Variants in LRP1B observed in about 807,000 individuals in gnomAD.
The protein encoded by LRP1B is LDL receptor related protein 1B.
A neutral mutation model predicts 556.6 loss-of-function variants in LRP1B; 217 were observed. The observed-to-expected ratio is 0.39, with a 90% confidence interval of 0.35 to 0.44. LRP1B has a LOEUF of 0.44. LRP1B is among the 20% of genes least tolerant of loss of function. The pLI is 1.00. For synonymous variants in LRP1B, 2,047 were observed against 1,865.8 expected (o/e 1.10, Z -2.50); for missense variants, 5,053 against 5,620.8 (o/e 0.90, Z 3.23).
At chr2:140,284,484 T>C (rs915025563) in intron 84 of LRP1B, among the ~76,000 whole-genome samples, 2 of 151,586 alleles carry the variant, frequency 1.3e-5, no homozygotes, top group African/African-American at 4.8e-5. Flanking sequence ...GTATGTAGCC[T>C]AACTGGAGGG....
chr2:141,802,626 A>AG (rs1467236296), intron 2 of LRP1B, among the ~76,000 whole-genome samples: 1 of 152,134 alleles, frequency 6.6e-6, no homozygotes, highest in African/African-American at 2.4e-5. Flanking sequence ...AGAGGGAGAG[A>AG]GAAAAAAAGG....
chr2:140,408,513 A>G (rs919786512), intron 66 of LRP1B, among the ~76,000 whole-genome samples: 3 of 151,812 alleles, frequency 2.0e-5, no homozygotes, highest in African/African-American at 7.2e-5. Context: ...TTTTTTAAGT[A>G]ATTTGTTGGA....
At chr2:140,581,437 G>A (rs918094038) in intron 43 of LRP1B, among the ~76,000 whole-genome samples, 2 of 151,750 alleles carry the variant, frequency 1.3e-5, no homozygotes, top group Non-Finnish European at 2.9e-5. Context: ...TCCCGGGATC[G>A]CATACCTAAT....
At chr2:140,247,241 C>A (rs1299662629) in intron 86 of LRP1B, 79 bp from the exon 87 acceptor site, 2 of 939,972 alleles carry the variant, frequency 2.1e-6, no homozygotes, top group South Asian at 2.7e-5. Context: ...TAACTTTAAC[C>A]AAATGAAAGG....
In LRP1B at chr2:141,474,038, TCC is replaced by T. The variant is rs1559091506; in HGVS notation, c.343+6356_343+6357del. ...TTCCTTCCTTCCTTCCTTCCTTCCT[TCC>T]TTCCTTTCCTTCCTTCCTCCCTCCC... On this transcript the variant is annotated intron_variant, in intron 3 of 90. Coordinates refer to ENST00000389484, the MANE Select transcript of LRP1B (RefSeq NM_018557.3). Among the ~76,000 whole-genome samples, 710 of 126,768 alleles carry T rather than the reference TCC, an allele frequency of 5.6e-3. 8 individuals are homozygous for T. Among genetic ancestry groups the T allele is most frequent in the African/African-American group, 0.022 (663 of 30,746 alleles). The allele number at this position is 126,768 out of a possible 152,430, so 83.2% of individuals were successfully genotyped here.
intron 17 of LRP1B, among the ~76,000 whole-genome samples, chr2:140,982,647 C>G (rs1227556436): frequency 1.3e-5 from 2 of 152,160 alleles, no homozygotes; most frequent in African/African-American, 4.8e-5. Flanking sequence ...TTGTGGATAG[C>G]ATTTGCTAAT....
chr2:140,872,102 C>A (rs1162972936), intron 25 of LRP1B, among the ~76,000 whole-genome samples: 8 of 77,812 alleles, frequency 1.0e-4, no homozygotes, highest in African/African-American at 3.8e-4. Context: ...TTTTTTTGAG[C>A]AAAAGTTTTT....
At chr2:141,433,380 G>T (rs1680640330) in intron 3 of LRP1B, among the ~76,000 whole-genome samples, 1 of 152,018 alleles carries the variant, frequency 6.6e-6, no homozygotes, top group African/African-American at 2.4e-5. Flanking sequence ...ACTGTTGGTT[G>T]AAGTGTTCTA....
At chr2:141,358,417 G>C (rs1450691757) in intron 3 of LRP1B, among the ~76,000 whole-genome samples, 3 of 152,236 alleles carry the variant, frequency 2.0e-5, no homozygotes, top group African/African-American at 7.2e-5. Context: ...TGAAGGGTCA[G>C]TTATCTGCTG....
At chr2:141,011,161 A>C (rs953576691) in intron 14 of LRP1B, among the ~76,000 whole-genome samples, 1 of 149,500 alleles carries the variant, frequency 6.7e-6, no homozygotes, top group African/African-American at 2.4e-5. Flanking sequence ...TGTACTACTT[A>C]GAGATTTGAT....
intron 32 of LRP1B, among the ~76,000 whole-genome samples, chr2:140,785,679 T>G (rs1689871368): frequency 6.6e-6 from 1 of 152,168 alleles, no homozygotes; most frequent in African/African-American, 2.4e-5. Flanking sequence ...ATCTCAATGT[T>G]ATCCCTAAAT....
At chr2:140,565,246 TATG>T (rs1312424962) in intron 43 of LRP1B, among the ~76,000 whole-genome samples, 1 of 151,506 alleles carries the variant, frequency 6.6e-6, no homozygotes, top group Non-Finnish European at 1.5e-5. Flanking sequence ...CATTTAAAGA[TATG>T]ATGAATATAT....
At chr2:140,553,823 G>A (rs1371366825) in intron 43 of LRP1B, among the ~76,000 whole-genome samples, 1 of 152,034 alleles carries the variant, frequency 6.6e-6, no homozygotes. Context: ...AGAGAAGAGA[G>A]CCACATTGAG....
At chr2:140,911,944 G>A (rs1401547268) in intron 21 of LRP1B, among the ~76,000 whole-genome samples, 1 of 151,666 alleles carries the variant, frequency 6.6e-6, no homozygotes, top group Non-Finnish European at 1.5e-5. Context: ...CATAAATACT[G>A]CTTGGAAAAG....
chr2:141,734,325 G>A (rs1693386335), intron 2 of LRP1B, among the ~76,000 whole-genome samples: 1 of 152,016 alleles, frequency 6.6e-6, no homozygotes, highest in Non-Finnish European at 1.5e-5. Flanking sequence ...TGAAATCAAT[G>A]TTTAAGCTAT....
Position 140,533,057 on chromosome 2 carries a change from G to A in LRP1B, c.7762+964C>T, listed in dbSNP as rs577507032. ...TTTGCGTCTCGAACCTTAATGCATT[G>A]CACTCAATAAAGTGTGTTCATTGAA... is the stretch of plus-strand genomic sequence containing the variant. On this transcript the variant is annotated intron_variant, in intron 47 of 90. Coordinates refer to ENST00000389484, the MANE Select transcript of LRP1B (RefSeq NM_018557.3). Among the ~76,000 whole-genome samples the A allele has an allele frequency of 1.7e-3, 262 of 150,360 alleles. 3 individuals carry two copies. The highest frequency in any genetic ancestry group is 3.9e-3 in the Admixed American group (59 of 14,996).
At chr2:141,493,431 C>G (rs919673172) in intron 2 of LRP1B, among the ~76,000 whole-genome samples, 3 of 152,072 alleles carry the variant, frequency 2.0e-5, no homozygotes, top group African/African-American at 7.2e-5. Flanking sequence ...GGGTGATACC[C>G]AAATATTTAA....
intron 2 of LRP1B, among the ~76,000 whole-genome samples, chr2:141,804,113 T>C (rs1696096752): frequency 6.6e-6 from 1 of 152,110 alleles, no homozygotes; most frequent in South Asian, 2.1e-4. Flanking sequence ...CCTTTTGGGA[T>C]GGCCTTCCAT....
At position 141,593,490 on chromosome 2, in the gene LRP1B, G is replaced by A. The variant is rs1687411156; in HGVS notation, c.206-112957C>T. ...TCCCAGCACTTTGGGAGGCCGAGGC[G>A]GGTGGATCATGAGGTCAGGAGATTG... On this transcript the variant is annotated intron_variant, in intron 2 of 90. Transcript: ENST00000389484. Among the ~76,000 whole-genome samples the A allele has an allele frequency of 2.1e-3, 3 of 1,428 alleles. 1 individual carries two copies. Among genetic ancestry groups the A allele is most frequent in the Non-Finnish European group, 0.5 (1 of 2 alleles). 0.9% of individuals were successfully genotyped at this position (1,428 alleles called of 152,430 possible).
Sources: gnomAD v4.1 joint callset for allele counts (sites outside exome capture counted in the v4.1 genomes callset) on GRCh38, gnomAD v4.1.1 for gene constraint, MANE v1.5 for transcripts, NCBI Gene and HGNC (gene_info 2026-07-23, HGNC 2026-07-21) for gene names.